BANF1: variants seen among roughly 807,000 people sequenced by gnomAD.
BANF1 encodes barrier-to-autointegration factor.
For synonymous variants in BANF1, 49 were observed against 43.7 expected (o/e 1.12, Z -0.48); for missense variants, 47 against 110.4 (o/e 0.43, Z 2.57).
chr11:66,003,216 T>C lies in BANF1; in HGVS notation c.-16-19T>C. 1 of 1,562,200 alleles carries C rather than the reference T, an allele frequency of 6.4e-7. No homozygotes were observed. The highest frequency in any genetic ancestry group is 8.8e-7 in the Non-Finnish European group (1 of 1,140,214). On this transcript the variant is annotated intron_variant, in intron 1 of 2. Transcript: ENST00000312175. ...TCCAGGTCTTCAGCCCTAATCTGCC[T>C]TTTTTTTGGGATTCCTAGATTAAGC... is the stretch of plus-strand genomic sequence containing the variant.
intron 1 of BANF1, 72 bp from the exon 2 acceptor site, chr11:66,003,163 A>T: frequency 6.5e-7 from 1 of 1,541,726 alleles, no homozygotes; most frequent in South Asian, 1.1e-5. Flanking sequence ...TCCTCTTACT[A>T]TGAGATTGCT....
Position 66,003,989 on chromosome 11 carries a change from C to T in BANF1, c.*217C>T, listed in dbSNP as rs1193942466. 1.7e-6 allele frequency: 1 copy of T among 576,852 alleles called. No homozygotes were observed. Among genetic ancestry groups the T allele is most frequent in the African/African-American group, 1.9e-5 (1 of 53,176 alleles). 35.7% of individuals were successfully genotyped at this position (576,852 alleles called of 1,614,324 possible). A position where few individuals can be genotyped will look rare whatever the true frequency, so the allele number is the denominator to read the frequency against. On this transcript the variant is annotated 3_prime_UTR_variant, in exon 3 of 3. Coordinates refer to ENST00000312175, the MANE Select transcript of BANF1 (RefSeq NM_003860.4). ...CCCCGTCCTTTTTCCCTTGCCAGTT[C>T]CCTGGTGACAGTTACCAGCTTTCCT...
In BANF1 at chr11:66,003,920, T is replaced by C; in HGVS notation, c.*148T>C. 2 of 1,172,954 alleles carry C rather than the reference T, an allele frequency of 1.7e-6. No individual in the cohort carries two copies. Among genetic ancestry groups the C allele is most frequent in the Non-Finnish European group, 2.4e-6 (2 of 828,880 alleles). The allele number at this position is 1,172,954 out of a possible 1,614,324, so 72.7% of individuals were successfully genotyped here. On this transcript the variant is annotated 3_prime_UTR_variant, in exon 3 of 3. Coordinates refer to ENST00000312175, the MANE Select transcript of BANF1 (RefSeq NM_003860.4). ...GGGGTCTTTTGGGAGTTTTCTCCCCTAACCATTTCAACTTTTTTTTGGATT... is the reference window on the plus strand; with the variant it reads ...GGGGTCTTTTGGGAGTTTTCTCCCCCAACCATTTCAACTTTTTTTTGGATT...
intron 1 of BANF1, 193 bp from the exon 2 acceptor site, chr11:66,003,042 C>A: frequency 1.6e-6 from 1 of 620,088 alleles, no homozygotes; most frequent in South Asian, 1.8e-5. Flanking sequence ...AAATCCAGGT[C>A]CTGCAGGAAG....
At chr11:66,003,155 C>T (rs976434100) in intron 1 of BANF1, 80 bp from the exon 2 acceptor site, 14 of 1,523,746 alleles carry the variant, frequency 9.2e-6, no homozygotes, top group Non-Finnish European at 1.3e-5. Flanking sequence ...GCTTGGCTTC[C>T]TCTTACTATG....
rs988457519 is a variant in BANF1 at position 66,003,860 on chromosome 11, G to C, written c.*88G>C. ...CTCCCCTGTCCTCTACGAAGGAAAA[G>C]ATTGCTATTGTCGTACTCACCTCCG... On this transcript the variant is annotated 3_prime_UTR_variant, in exon 3 of 3. Transcript: ENST00000312175. The C allele has an allele frequency of 1.9e-5, 30 of 1,585,828 alleles. No homozygotes were observed. The highest frequency in any genetic ancestry group is 2.5e-5 in the Non-Finnish European group (29 of 1,160,670).
chr11:66,003,156 TCTTA>T, intron 1 of BANF1, 75 bp from the exon 2 acceptor site: 1 of 1,529,374 alleles, frequency 6.5e-7, no homozygotes, highest in South Asian at 1.2e-5. Flanking sequence ...CTTGGCTTCC[TCTTA>T]CTATGAGATT....
chr11:66,003,655 G>A lies in BANF1; in HGVS notation c.153G>A (p.Val51=). 1.2e-6 allele frequency: 2 copies of A among 1,614,078 alleles called. No individual in the cohort carries two copies. The highest frequency in any genetic ancestry group is 1.7e-6 in the Non-Finnish European group (2 of 1,180,022). ...ATGTTGTCCTTGGCCAGTTTCTGGT[G>A]CTAAAGAAAGATGAAGACCTCTTCC... The part of the protein sequence containing the change: ...KAYVVLGQFL[V]LKKDEDLFRE... Residue 51 remains valine, a synonymous_variant, in exon 3 of 3, where the codon GTG becomes GTA. Coordinates refer to ENST00000312175, the MANE Select transcript of BANF1 (RefSeq NM_003860.4).
chr11:66,003,110 G>T, intron 1 of BANF1, 125 bp from the exon 2 acceptor site: 1 of 980,882 alleles, frequency 1.0e-6, no homozygotes. Context: ...CTCCTTTCAG[G>T]ATGAGGGGGA....
intron 1 of BANF1, chr11:66,002,808 G>A (rs951544215): frequency 5.2e-6 from 1 of 191,770 alleles, no homozygotes; most frequent in Admixed American, 5.5e-5. Flanking sequence ...GAGCGGGTGT[G>A]CGCAGCGCTA....
intron 1 of BANF1, chr11:66,002,818 A>G (rs1856031452): frequency 4.5e-6 from 1 of 221,334 alleles, no homozygotes; most frequent in Admixed American, 5.3e-5. Flanking sequence ...GCGCAGCGCT[A>G]GGTGTGCGCT....
chr11:66,003,503 G>T (rs1209661983), intron 2 of BANF1, 123 bp from the exon 3 acceptor site: 1 of 1,608,946 alleles, frequency 6.2e-7, no homozygotes, highest in Middle Eastern at 1.7e-4. Flanking sequence ...GGAGAGGAGA[G>T]GGGGGCAAAA....
chr11:66,003,074 G>A lies in BANF1; in HGVS notation c.-16-161G>A, dbSNP rs2276132. The A allele has an allele frequency of 0.32, 235,513 of 738,478 alleles. 40,779 individuals carry two copies. Among genetic ancestry groups the A allele is most frequent in the Middle Eastern group, 0.35 (917 of 2,604 alleles). 45.7% of individuals were successfully genotyped at this position (738,478 alleles called of 1,614,324 possible). On this transcript the variant is annotated intron_variant, in intron 1 of 2. Coordinates refer to ENST00000312175, the MANE Select transcript of BANF1 (RefSeq NM_003860.4). ...GAAGAAACTCCTCTTAAAAATAGTAGGGAAGAGTCTCCCTGGAACTGTTTT... is the reference window on the plus strand; with the variant it reads ...GAAGAAACTCCTCTTAAAAATAGTAAGGAAGAGTCTCCCTGGAACTGTTTT...
At chr11:66,003,191 TC>T (rs1856048666) in intron 1 of BANF1, 43 bp from the exon 2 acceptor site, 1 of 1,607,066 alleles carries the variant, frequency 6.2e-7, no homozygotes, top group Non-Finnish European at 8.5e-7. Context: ...CCTTAGAAGT[TC>T]CAGGTCTTCA....
chr11:66,002,995 T>G (rs1856040060), intron 1 of BANF1: 1 of 496,468 alleles, frequency 2.0e-6, no homozygotes, highest in South Asian at 2.0e-5. Context: ...TTGCGCCACC[T>G]GTTAGGCAGG....
At position 66,003,472 on chromosome 11, in the gene BANF1, G is replaced by C. The variant is rs1303094259; in HGVS notation, c.123+99G>C. ...CAGTAAGGTATAATCTGAAGAGGCT[G>C]CCAGAGCCTGGGCACCTGGTGGAGA... On this transcript the variant is annotated intron_variant, in intron 2 of 2. Transcript: ENST00000312175. The C allele has an allele frequency of 1.9e-6, 3 of 1,607,822 alleles. No homozygotes were observed. The African/African-American group carries it at 4.0e-5, about 22-fold the overall frequency.
Position 66,002,644 on chromosome 11 carries a change from C to A in BANF1, c.-17+74C>A, listed in dbSNP as rs571191817. ...GCGGGGAGAAGGGGAGGAGAGGGGT[C>A]GCAGGCGCTGTGGCGGGCCCTGGGG... On this transcript the variant is annotated intron_variant, in intron 1 of 2. Coordinates refer to ENST00000312175, the MANE Select transcript of BANF1 (RefSeq NM_003860.4). 6.0e-5 allele frequency: 9 copies of A among 149,836 alleles called. No homozygotes were observed. The East Asian group carries it at 1.6e-3, about 26-fold the overall frequency. 9.3% of individuals were successfully genotyped at this position (149,836 alleles called of 1,614,324 possible).
chr11:66,003,157 C>G, intron 1 of BANF1, 78 bp from the exon 2 acceptor site: 1 of 1,533,874 alleles, frequency 6.5e-7, no homozygotes, highest in East Asian at 2.3e-5. Flanking sequence ...TTGGCTTCCT[C>G]TTACTATGAG....
At chr11:66,003,187 A>T in intron 1 of BANF1, 48 bp from the exon 2 acceptor site, 1 of 1,602,662 alleles carries the variant, frequency 6.2e-7, no homozygotes. Context: ...GGGCCCTTAG[A>T]AGTTCCAGGT....
Sources: gnomAD v4.1 joint callset for allele counts on GRCh38, gnomAD v4.1.1 for gene constraint, MANE v1.5 for transcripts, NCBI Gene and HGNC (gene_info 2026-07-23, HGNC 2026-07-21) for gene names.